Variants in SORCS2 observed in about 807,000 individuals in gnomAD.
SORCS2 encodes VPS10 domain-containing receptor SorCS2.
In SORCS2, 100 loss-of-function variants were observed where a neutral mutation model predicts 141.6. The observed-to-expected ratio is 0.71, with a 90% confidence interval of 0.60 to 0.83. The LOEUF (loss-of-function observed/expected upper bound fraction) is 0.83. Ranked by LOEUF, SORCS2 falls within the 40% of genes least tolerant of loss-of-function variation. The pLI is 0.00. For missense variants in SORCS2, 1,646 were observed against 1,560.2 expected (o/e 1.05, Z -0.93); for synonymous variants, 789 against 676.9 (o/e 1.17, Z -2.57).
At chr4:7,700,470 G>A (rs947111019) in intron 12 of SORCS2, among the ~76,000 whole-genome samples, 1 of 152,186 alleles carries the variant, frequency 6.6e-6, no homozygotes, top group African/African-American at 2.4e-5. Flanking sequence ...AGAGGACCCA[G>A]ACCAATGGGT....
intron 2 of SORCS2, among the ~76,000 whole-genome samples, chr4:7,517,495 G>C (rs1011630753): frequency 6.6e-6 from 1 of 152,026 alleles, no homozygotes. Context: ...ACGTCATTTG[G>C]ACTGCCTTCA....
chr4:7,347,538 AGGT>A (rs1343771893), intron 1 of SORCS2, among the ~76,000 whole-genome samples: 1 of 152,096 alleles, frequency 6.6e-6, no homozygotes, highest in African/African-American at 2.4e-5. Flanking sequence ...AGGCCCAGGG[AGGT>A]TAAGCAGTTT....
At chr4:7,376,937 C>A (rs947916972) in intron 1 of SORCS2, among the ~76,000 whole-genome samples, 1 of 151,818 alleles carries the variant, frequency 6.6e-6, no homozygotes, top group African/African-American at 2.4e-5. Flanking sequence ...CCCCAGTGCA[C>A]AAACCCTGGC....
chr4:7,232,652 G>A (rs907566263), intron 1 of SORCS2, among the ~76,000 whole-genome samples: 1 of 152,182 alleles, frequency 6.6e-6, no homozygotes, highest in African/African-American at 2.4e-5. Flanking sequence ...GGGGGCTCCT[G>A]CCCGCGCCAG....
Position 7,192,625 on chromosome 4 carries a change from T to A in SORCS2, c.-22T>A. 5.1e-6 allele frequency: 5 copies of A among 987,042 alleles called. No homozygotes were observed. The highest frequency in any genetic ancestry group is 6.0e-6 in the Non-Finnish European group (5 of 832,066). 61.1% of individuals were successfully genotyped at this position (987,042 alleles called of 1,614,324 possible). On this transcript the variant is annotated 5_prime_UTR_variant, in exon 1 of 27. Transcript: ENST00000507866. The surrounding 1 kb of genome is among the most constrained non-coding windows in gnomAD (Gnocchi z 4.0). ...TCGTCCGCGCCGCCCCGCCGCCGGCTCCGCTGCCGCCCCTGGCGACCATGG... is the reference window on the plus strand; with the variant it reads ...TCGTCCGCGCCGCCCCGCCGCCGGCACCGCTGCCGCCCCTGGCGACCATGG...
intron 3 of SORCS2, among the ~76,000 whole-genome samples, chr4:7,612,642 C>T (rs1476350011): frequency 6.6e-6 from 1 of 152,210 alleles, no homozygotes; most frequent in Non-Finnish European, 1.5e-5. Context: ...CCTGCAGGAG[C>T]TCTTGCCACC....
intron 2 of SORCS2, among the ~76,000 whole-genome samples, chr4:7,423,742 G>A (rs1437188798): frequency 1.3e-5 from 2 of 152,158 alleles, no homozygotes; most frequent in Non-Finnish European, 2.9e-5. Flanking sequence ...CTCTGGGGTG[G>A]ATGACTTTCT....
intron 1 of SORCS2, among the ~76,000 whole-genome samples, chr4:7,204,944 C>A (rs1050222651): frequency 6.6e-6 from 1 of 152,252 alleles, no homozygotes; most frequent in African/African-American, 2.4e-5. Flanking sequence ...AAGCCCATTT[C>A]TCTTCCTCCT....
At chr4:7,689,103 G>T (rs552673073) in intron 10 of SORCS2, among the ~76,000 whole-genome samples, 4 of 152,210 alleles carry the variant, frequency 2.6e-5, no homozygotes, top group Admixed American at 2.6e-4. Flanking sequence ...CCGGCACTTG[G>T]GCTCTTGACC....
intron 23 of SORCS2, among the ~76,000 whole-genome samples, chr4:7,731,122 G>A (rs926318055): frequency 2.0e-5 from 3 of 152,160 alleles, no homozygotes; most frequent in Non-Finnish European, 2.9e-5. Context: ...CTAACAGCAA[G>A]CTACCTGGAA....
chr4:7,676,753 C>CCTT (rs1723148811), intron 9 of SORCS2, among the ~76,000 whole-genome samples: 1 of 138,658 alleles, frequency 7.2e-6, no homozygotes, highest in African/African-American at 2.7e-5. Context: ...CACCCCCGCC[C>CCTT]TGTCATCTCC....
At chr4:7,255,990 G>A (rs1301528197) in intron 1 of SORCS2, among the ~76,000 whole-genome samples, 2 of 150,932 alleles carry the variant, frequency 1.3e-5, no homozygotes, top group Non-Finnish European at 3.0e-5. Context: ...CGGGATTGGT[G>A]CATGGGGACC....
chr4:7,718,903 T>C (rs1030538720), intron 18 of SORCS2, among the ~76,000 whole-genome samples: 5 of 152,258 alleles, frequency 3.3e-5, no homozygotes, highest in African/African-American at 1.2e-4. Context: ...AATTAATTTG[T>C]AACATGCTTA....
chr4:7,421,744 C>T (rs938513322), intron 2 of SORCS2, among the ~76,000 whole-genome samples: 1 of 152,154 alleles, frequency 6.6e-6, no homozygotes, highest in African/African-American at 2.4e-5. Context: ...GGGACGGCCA[C>T]TGCGGCCCCT....
At chr4:7,275,910 A>G (rs1425937665) in intron 1 of SORCS2, among the ~76,000 whole-genome samples, 1 of 151,222 alleles carries the variant, frequency 6.6e-6, no homozygotes, top group Non-Finnish European at 1.5e-5. Flanking sequence ...AAAACCCGGG[A>G]CTCCTAGTGT....
intron 3 of SORCS2, among the ~76,000 whole-genome samples, chr4:7,622,034 C>G (rs1179209674): frequency 6.6e-6 from 1 of 152,162 alleles, no homozygotes; most frequent in Non-Finnish European, 1.5e-5. Flanking sequence ...ACATTCTGGC[C>G]TCAGTAAGGC....
At chr4:7,236,547 A>G (rs1712284018) in intron 1 of SORCS2, among the ~76,000 whole-genome samples, 1 of 152,114 alleles carries the variant, frequency 6.6e-6, no homozygotes, top group African/African-American at 2.4e-5. Flanking sequence ...TGCCTAGTAG[A>G]GCCACTGTTA....
In SORCS2 at chr4:7,433,736, C is replaced by T. The variant is rs774618146; in HGVS notation, c.548+37381C>T. Reference sequence around the variant, plus strand: ...TCCGCGTCCCACTCTGGGGACGGCACGATGGCATAGGCATCATGGACTGCC... The same window carrying T: ...TCCGCGTCCCACTCTGGGGACGGCATGATGGCATAGGCATCATGGACTGCC... On this transcript the variant is annotated intron_variant, in intron 2 of 26. Coordinates refer to ENST00000507866, the MANE Select transcript of SORCS2 (RefSeq NM_020777.3). The T allele has an allele frequency of 5.6e-6, 9 of 1,613,160 alleles. No homozygotes were observed. The highest frequency in any genetic ancestry group is 2.2e-5 in the East Asian group (1 of 44,876).
chr4:7,660,576 C>T (rs1474782947), intron 5 of SORCS2, among the ~76,000 whole-genome samples: 2 of 152,184 alleles, frequency 1.3e-5, no homozygotes, highest in African/African-American at 4.8e-5. Flanking sequence ...TGGTTGTGAG[C>T]AGGGCAGTGT....
Sources: gnomAD v4.1 joint callset for allele counts (sites outside exome capture counted in the v4.1 genomes callset) on GRCh38, gnomAD v4.1.1 for gene constraint, Gnocchi (gnomAD v3.1) non-coding constraint, MANE v1.5 for transcripts, NCBI Gene and HGNC (gene_info 2026-07-23, HGNC 2026-07-21) for gene names.